Variants in PIP5K1B observed in about 807,000 individuals in gnomAD.
PIP5K1B encodes phosphatidylinositol 4-phosphate 5-kinase type-1 beta.
PIP5K1B carries 42 observed loss-of-function variants against 67.0 expected under a neutral mutation model. That is an observed-to-expected ratio of 0.63 (90% confidence interval 0.49 to 0.81). The LOEUF (loss-of-function observed/expected upper bound fraction) is 0.81, where lower values mean the gene tolerates loss of function less well. Ranked by LOEUF, PIP5K1B falls within the 30% of genes least tolerant of loss-of-function variation. PIP5K1B has a pLI of 0.00. For synonymous variants in PIP5K1B, 214 were observed against 231.4 expected (o/e 0.92, Z 0.68); for missense variants, 459 against 646.3 (o/e 0.71, Z 3.14).
intron 2 of PIP5K1B, among the ~76,000 whole-genome samples, chr9:68,778,854 T>G (rs1587430322): frequency 1.3e-5 from 2 of 152,296 alleles, no homozygotes; most frequent in Middle Eastern, 6.8e-3. Flanking sequence ...CTCATCAAAC[T>G]CATGGCTGCC....
chr9:68,824,269 A>G (rs1385095241), intron 4 of PIP5K1B: 1 of 518,432 alleles, frequency 1.9e-6, no homozygotes, highest in Non-Finnish European at 3.8e-6. Context: ...CCAAATTCTG[A>G]CTCACAGGAG....
At chr9:68,894,905 A>G (rs962693168) in intron 8 of PIP5K1B, among the ~76,000 whole-genome samples, 1 of 152,260 alleles carries the variant, frequency 6.6e-6, no homozygotes, top group Non-Finnish European at 1.5e-5. Context: ...TGAAACAAGA[A>G]AGCTTTGTTT....
At chr9:68,839,509 A>T (rs959681764) in intron 4 of PIP5K1B, among the ~76,000 whole-genome samples, 2 of 151,930 alleles carry the variant, frequency 1.3e-5, no homozygotes, top group Non-Finnish European at 2.9e-5. Flanking sequence ...TCCCTTAAAC[A>T]CCCTGTGGAT....
At chr9:68,853,103 G>C (rs1186456631) in intron 4 of PIP5K1B, among the ~76,000 whole-genome samples, 3 of 152,132 alleles carry the variant, frequency 2.0e-5, no homozygotes, top group Admixed American at 6.5e-5. Flanking sequence ...AGAGAGCCTT[G>C]GAATGATGAG....
At chr9:68,780,562 C>T (rs546322647) in intron 2 of PIP5K1B, 1 of 1,614,194 alleles carries the variant, frequency 6.2e-7, no homozygotes, top group Admixed American at 1.7e-5. Flanking sequence ...AAATCCGCCT[C>T]CCCCAAGCGC....
In PIP5K1B at chr9:68,961,251, T is replaced by A. The variant is rs1828730620; in HGVS notation, c.1502+20461T>A. On this transcript the variant is annotated intron_variant, in intron 14 of 15. Transcript: ENST00000265382. Reference sequence around the variant, plus strand: ...AAAAAAAAGCGTGTCACCACAAATCTATCAAGACAGAAAGTAAGTTAGCAG... The same window carrying A: ...AAAAAAAAGCGTGTCACCACAAATCAATCAAGACAGAAAGTAAGTTAGCAG... Among the ~76,000 whole-genome samples, 3 of 150,502 alleles carry A rather than the reference T, an allele frequency of 2.0e-5. No homozygotes were observed. In the South Asian group the frequency reaches 6.3e-4, roughly 31 times the overall value.
chr9:68,769,450 CT>C (rs879906760), intron 2 of PIP5K1B, among the ~76,000 whole-genome samples: 1 of 152,016 alleles, frequency 6.6e-6, no homozygotes, highest in Non-Finnish European at 1.5e-5. Flanking sequence ...TTTTCCCTTC[CT>C]TTTTGCTGAA....
At chr9:68,808,060 T>A (rs1186319565) in intron 2 of PIP5K1B, among the ~76,000 whole-genome samples, 1 of 152,120 alleles carries the variant, frequency 6.6e-6, no homozygotes, top group Non-Finnish European at 1.5e-5. Flanking sequence ...TAGCCTGGCG[T>A]GGTGGTGTGC....
rs11789706 is a variant in PIP5K1B, at chr9:68,834,677, C to T, written c.69+11994C>T. On this transcript the variant is annotated intron_variant, in intron 4 of 15. Transcript: ENST00000265382. ...GTGCAATTAGAGGTGAAATATGGGG[C>T]GGGGCTGGGGGGCTGAAGAGGGATA... 5.3e-3 allele frequency among the ~76,000 whole-genome samples: 810 copies of T among 151,976 alleles called. 4 individuals carry two copies. The highest frequency in any genetic ancestry group is 9.7e-3 in the Non-Finnish European group (659 of 67,982).
At chr9:69,008,221 AG>A (rs1831176709) in intron 15 of PIP5K1B, among the ~76,000 whole-genome samples, 1 of 152,192 alleles carries the variant, frequency 6.6e-6, no homozygotes, top group African/African-American at 2.4e-5. Flanking sequence ...GCTGTGATGT[AG>A]TCAGGACTCA....
chr9:68,766,802 G>A (rs1220064072), intron 2 of PIP5K1B, among the ~76,000 whole-genome samples: 1 of 152,036 alleles, frequency 6.6e-6, no homozygotes, highest in Non-Finnish European at 1.5e-5. Context: ...TCAAAAAGGA[G>A]AAGTAACCAA....
intron 15 of PIP5K1B, among the ~76,000 whole-genome samples, chr9:69,001,558 A>G (rs1830825445): frequency 6.6e-6 from 1 of 152,146 alleles, no homozygotes; most frequent in Non-Finnish European, 1.5e-5. Flanking sequence ...ACTTACAATC[A>G]TGGCAGAAGG....
intron 8 of PIP5K1B, among the ~76,000 whole-genome samples, chr9:68,909,994 T>G (rs998008336): frequency 6.6e-6 from 1 of 152,186 alleles, no homozygotes; most frequent in Non-Finnish European, 1.5e-5. Context: ...TAAGAACCCC[T>G]ATGACAAGGG....
At chr9:68,969,958 A>C (rs896315758) in intron 14 of PIP5K1B, among the ~76,000 whole-genome samples, 1 of 152,126 alleles carries the variant, frequency 6.6e-6, no homozygotes, top group South Asian at 2.1e-4. Flanking sequence ...AATTCATAGG[A>C]CATGAAATTT....
intron 2 of PIP5K1B, among the ~76,000 whole-genome samples, chr9:68,813,816 G>A (rs1833290451): frequency 6.6e-6 from 1 of 152,152 alleles, no homozygotes; most frequent in African/African-American, 2.4e-5. Context: ...ACCACCAGAA[G>A]CTAAAAAGTA....
chr9:68,722,469 C>T (rs952570160), intron 1 of PIP5K1B, among the ~76,000 whole-genome samples: 1 of 152,076 alleles, frequency 6.6e-6, no homozygotes, highest in African/African-American at 2.4e-5. Flanking sequence ...CCCGCCTCGG[C>T]CTCCCAGAGT....
At position 68,933,819 on chromosome 9, in the gene PIP5K1B, T is replaced by C. The variant is rs564650877; in HGVS notation, c.1202-1071T>C. ...TTCCCTTCTCTTTAAGTGGAGAGAT[T>C]GTCCTCCATTCTTCTCTCATTTGTG... On this transcript the variant is annotated intron_variant, in intron 12 of 15. Transcript: ENST00000265382. Among the ~76,000 whole-genome samples, 231 of 152,186 alleles carry C rather than the reference T, an allele frequency of 1.5e-3. 1 individual carries two copies. The highest frequency in any genetic ancestry group is 2.8e-3 in the Non-Finnish European group (191 of 68,030).
intron 2 of PIP5K1B, among the ~76,000 whole-genome samples, chr9:68,793,129 A>ATGTGTATAC (rs6151015): frequency 1.3e-5 from 2 of 151,976 alleles, no homozygotes. Flanking sequence ...CATATAGTGT[A>ATGTGTATAC]AGGAACAGGA....
intron 1 of PIP5K1B, among the ~76,000 whole-genome samples, chr9:68,730,920 C>T (rs546889438): frequency 6.6e-6 from 1 of 152,318 alleles, no homozygotes; most frequent in Admixed American, 6.5e-5. Flanking sequence ...TTCTTCTCCC[C>T]TCTTTTCATG....
Sources: gnomAD v4.1 joint callset for allele counts (sites outside exome capture counted in the v4.1 genomes callset) on GRCh38, gnomAD v4.1.1 for gene constraint, MANE v1.5 for transcripts, NCBI Gene and HGNC (gene_info 2026-07-23, HGNC 2026-07-21) for gene names.